The following SYNE1 variants were observed in gnomAD, a reference collection of about 807,000 sequenced individuals.
The protein encoded by SYNE1 is nesprin-1.
A neutral mutation model predicts 1,111.0 loss-of-function variants in SYNE1; 616 were observed. The ratio of observed to expected loss-of-function variants is 0.55; its 90% CI spans 0.52 to 0.59. SYNE1 has a LOEUF of 0.59. SYNE1 is among the 20% of genes least tolerant of loss of function. The pLI is 0.00. For missense variants in SYNE1, 10,006 were observed against 10,417.0 expected (o/e 0.96, Z 1.72); for synonymous variants, 3,855 against 3,825.8 (o/e 1.01, Z -0.28).
At chr6:152,532,516 G>A (rs756132535) in intron 4 of SYNE1, among the ~76,000 whole-genome samples, 16 of 152,134 alleles carry the variant, frequency 1.1e-4, no homozygotes, top group African/African-American at 2.7e-4. Flanking sequence ...GAAGAATAGC[G>A]CATGCCACAG....
In SYNE1 at chr6:152,326,113, T is replaced by C. The variant is rs765026516; in HGVS notation, c.15294-11A>G. The C allele has an allele frequency of 6.2e-7, 1 of 1,613,958 alleles. No homozygotes were observed. Among genetic ancestry groups the C allele is most frequent in the South Asian group, 1.1e-5 (1 of 91,088 alleles). On this transcript the variant is annotated splice_polypyrimidine_tract_variant and intron_variant, in intron 79 of 145. Coordinates refer to ENST00000367255, the MANE Select transcript of SYNE1 (RefSeq NM_182961.4). The stretch of plus-strand genomic sequence containing the variant: ...CATTGAGCTGTGCATCTTGAAAGAG[T>C]CCAACAGAAACTGATAAGTAGCACG...
intron 107 of SYNE1, among the ~76,000 whole-genome samples, chr6:152,241,193 T>C (rs1476261936): frequency 1.3e-5 from 2 of 152,200 alleles, no homozygotes; most frequent in Non-Finnish European, 2.9e-5. Context: ...ATTGCTATGG[T>C]CAACAACGTG....
intron 3 of SYNE1, among the ~76,000 whole-genome samples, chr6:152,557,250 A>T (rs189367372): frequency 6.2e-4 from 94 of 152,294 alleles, no homozygotes; most frequent in African/African-American, 2.1e-3. Flanking sequence ...GCTTGACATT[A>T]TTCAGTCAGA....
chr6:152,554,156 C>T lies in SYNE1; in HGVS notation c.68-14135G>A, dbSNP rs1420261537. Among the ~76,000 whole-genome samples, 4 of 152,048 alleles carry T rather than the reference C, an allele frequency of 2.6e-5. No homozygotes were observed. In the East Asian group the frequency reaches 7.7e-4, roughly 29 times the overall value. On this transcript the variant is annotated intron_variant, in intron 3 of 145. Coordinates refer to ENST00000367255, the MANE Select transcript of SYNE1 (RefSeq NM_182961.4). Reference sequence around the variant, plus strand: ...GGCATGGTCTGCACTGTGCCCCAGTCATCTGCTGCACCAGCTACAATGTTA... The same window carrying T: ...GGCATGGTCTGCACTGTGCCCCAGTTATCTGCTGCACCAGCTACAATGTTA...
chr6:152,298,267 C>T (rs534538250), intron 93 of SYNE1, among the ~76,000 whole-genome samples: 5 of 152,328 alleles, frequency 3.3e-5, no homozygotes, highest in South Asian at 2.1e-4. Flanking sequence ...AGAGCTGCAA[C>T]TCAGTGTGAG....
chr6:152,439,418 T>C (rs2098506896), intron 32 of SYNE1, among the ~76,000 whole-genome samples: 1 of 152,176 alleles, frequency 6.6e-6, no homozygotes, highest in Non-Finnish European at 1.5e-5. Flanking sequence ...AAAATAGAGA[T>C]GGGGTATTGC....
intron 3 of SYNE1, among the ~76,000 whole-genome samples, chr6:152,554,952 C>A (rs1324369025): frequency 3.3e-5 from 5 of 152,072 alleles, no homozygotes; most frequent in African/African-American, 4.8e-5. Flanking sequence ...TTACACAGAC[C>A]CATCACTTTC....
At chr6:152,242,512 G>C (rs1272426325) in intron 106 of SYNE1, 72 bp from the exon 107 acceptor site, 2 of 1,564,434 alleles carry the variant, frequency 1.3e-6, no homozygotes, top group African/African-American at 2.7e-5. Context: ...TATGAACTAT[G>C]AACGCACCAA....
intron 95 of SYNE1, among the ~76,000 whole-genome samples, chr6:152,291,401 T>C (rs2094601610): frequency 6.6e-6 from 1 of 151,912 alleles, no homozygotes; most frequent in Non-Finnish European, 1.5e-5. Context: ...TACTACCAAC[T>C]TAGAAAGGGA....
intron 51 of SYNE1, among the ~76,000 whole-genome samples, chr6:152,394,482 A>G (rs756979852): frequency 2.6e-5 from 4 of 152,192 alleles, no homozygotes; most frequent in Admixed American, 6.5e-5. Flanking sequence ...TCCAAAGGAG[A>G]GCAAGCAAAT....
intron 107 of SYNE1, 105 bp downstream of exon 107, chr6:152,242,135 A>G: frequency 8.9e-7 from 1 of 1,126,578 alleles, no homozygotes; most frequent in Admixed American, 1.9e-5. Context: ...ACAAGTAAGA[A>G]CTCATAAAAG....
chr6:152,505,430 A>G (rs760306499), intron 8 of SYNE1, 33 bp from the exon 9 acceptor site: 25 of 1,609,462 alleles, frequency 1.6e-5, no homozygotes, highest in Non-Finnish European at 2.1e-5. Context: ...ATGATGTCAC[A>G]TTCTGAATAG....
intron 66 of SYNE1, among the ~76,000 whole-genome samples, chr6:152,356,880 C>A (rs1255850646): frequency 6.6e-6 from 1 of 152,210 alleles, no homozygotes; most frequent in Non-Finnish European, 1.5e-5. Context: ...ACCAGAGCAA[C>A]AGCAACATCT....
intron 3 of SYNE1, among the ~76,000 whole-genome samples, chr6:152,582,605 T>C (rs2099524252): frequency 6.6e-6 from 1 of 151,754 alleles, no homozygotes; most frequent in Non-Finnish European, 1.5e-5. Context: ...TTATTTTAGA[T>C]CCATGGGGTA....
chr6:152,516,520 T>C (rs2099112589), intron 6 of SYNE1, among the ~76,000 whole-genome samples: 1 of 152,156 alleles, frequency 6.6e-6, no homozygotes, highest in Admixed American at 6.5e-5. Context: ...CAGAATGAAG[T>C]AGGACACTGT....
rs143401056 is a variant in SYNE1 at position 152,348,423 on chromosome 6, G to A, written c.11902-1188C>T. Among the ~76,000 whole-genome samples, 193 of 152,238 alleles carry A rather than the reference G, an allele frequency of 1.3e-3. 1 individual carries two copies. Among genetic ancestry groups the A allele is most frequent in the African/African-American group, 4.3e-3 (178 of 41,552 alleles). On this transcript the variant is annotated intron_variant, in intron 72 of 145. Coordinates refer to ENST00000367255, the MANE Select transcript of SYNE1 (RefSeq NM_182961.4). ...GTTCTGGCCAGACGCGGTGGCTCAC[G>A]CCTGTAATCCCAGCATTTTGGGAGG...
chr6:152,163,576 A>G (rs2062985303), intron 131 of SYNE1, among the ~76,000 whole-genome samples: 1 of 151,700 alleles, frequency 6.6e-6, no homozygotes, highest in South Asian at 2.1e-4. Flanking sequence ...TACATTTTCC[A>G]GGATCATCCC....
intron 74 of SYNE1, among the ~76,000 whole-genome samples, chr6:152,339,852 C>T (rs1424099249): frequency 6.6e-6 from 1 of 152,180 alleles, no homozygotes; most frequent in Non-Finnish European, 1.5e-5. Context: ...TCTCTTTCCA[C>T]AAGCCCAAGA....
At chr6:152,275,711 T>C (rs555258154) in intron 98 of SYNE1, among the ~76,000 whole-genome samples, 31 of 148,420 alleles carry the variant, frequency 2.1e-4, no homozygotes, top group African/African-American at 7.8e-4. Flanking sequence ...GAGACCTCCA[T>C]CTCTACAAAA....
Sources: gnomAD v4.1 joint callset for allele counts (sites outside exome capture counted in the v4.1 genomes callset) on GRCh38, gnomAD v4.1.1 for gene constraint, MANE v1.5 for transcripts, NCBI Gene and HGNC (gene_info 2026-07-23, HGNC 2026-07-21) for gene names.